NAPB: variants seen among roughly 807,000 people sequenced by gnomAD.
The protein encoded by NAPB is NSF attachment protein beta, also known as beta-soluble NSF attachment protein.
In NAPB, 26 loss-of-function variants were observed where a neutral mutation model predicts 44.7. That is an observed-to-expected ratio of 0.58 (90% confidence interval 0.43 to 0.81). The LOEUF is 0.81. Among genes scored for constraint, NAPB ranks in the 30% least tolerant of loss-of-function variants. The pLI, the probability that NAPB is intolerant of heterozygous loss-of-function variation, is 0.00. For synonymous variants in NAPB, 120 were observed against 116.8 expected (o/e 1.03, Z -0.18); for missense variants, 315 against 356.4 (o/e 0.88, Z 0.94).
At chr20:23,407,903 G>A (rs994545967) in intron 1 of NAPB, among the ~76,000 whole-genome samples, 1 of 152,164 alleles carries the variant, frequency 6.6e-6, no homozygotes, top group Admixed American at 6.5e-5. Flanking sequence ...GCAGAGCATT[G>A]TAAAACTATG....
rs73086773 is a variant in NAPB at position 23,403,275 on chromosome 20, C to T, written c.99-203G>A. Among the ~76,000 whole-genome samples, 5,483 of 152,170 alleles carry T rather than the reference C, an allele frequency of 0.036. 123 individuals are homozygous for T. Among genetic ancestry groups the T allele is most frequent in the Middle Eastern group, 0.061 (18 of 294 alleles). On this transcript the variant is annotated intron_variant, in intron 1 of 10. Transcript: ENST00000377026. ...GTGTTAAGTGGTAAAGTAACTAGCC[C>T]GAGGTGACACAGAAAGGATAGCTCA...
At chr20:23,377,549 A>G (rs1294310044) in intron 10 of NAPB, 63 bp from the exon 11 acceptor site, 2 of 1,032,860 alleles carry the variant, frequency 1.9e-6, no homozygotes, top group East Asian at 2.6e-5. Flanking sequence ...ACAAAATAAT[A>G]GTACCCCAAG....
chr20:23,394,241 C>T (rs1280191042), intron 5 of NAPB, among the ~76,000 whole-genome samples: 3 of 152,052 alleles, frequency 2.0e-5, no homozygotes, highest in Admixed American at 1.3e-4. Context: ...GCAGGGAGAC[C>T]GGTTTGAAGG....
chr20:23,375,475 A>T lies in NAPB; in HGVS notation c.*1901T>A, dbSNP rs1401738007. On this transcript the variant is annotated 3_prime_UTR_variant, in exon 11 of 11. Transcript: ENST00000377026. ...GAACCACTCCTCACACCCCATTTTC[A>T]CAAAAGTGCATTTGGCTGGTTGTAG... 1 of 151,760 alleles carries T rather than the reference A, an allele frequency of 6.6e-6. No individual in the cohort carries two copies. Among genetic ancestry groups the T allele is most frequent in the African/African-American group, 2.4e-5 (1 of 41,412 alleles). 9.4% of individuals were successfully genotyped at this position (151,760 alleles called of 1,614,324 possible).
intron 8 of NAPB, 39 bp downstream of exon 8, chr20:23,381,174 T>A: frequency 7.4e-7 from 1 of 1,357,560 alleles, no homozygotes; most frequent in Non-Finnish European, 1.1e-6. Flanking sequence ...CGTATTCTTA[T>A]GGGTGAAATC....
chr20:23,413,240 A>C (rs1224931415), intron 1 of NAPB, among the ~76,000 whole-genome samples: 1 of 152,162 alleles, frequency 6.6e-6, no homozygotes, highest in African/African-American at 2.4e-5. Flanking sequence ...AAAAAAAAAA[A>C]GTTTAAGTAA....
chr20:23,382,458 T>G (rs899054513), intron 7 of NAPB, among the ~76,000 whole-genome samples: 1 of 151,848 alleles, frequency 6.6e-6, no homozygotes, highest in Non-Finnish European at 1.5e-5. Flanking sequence ...AAAAGACCAT[T>G]AACAGATGAT....
intron 1 of NAPB, among the ~76,000 whole-genome samples, chr20:23,418,264 C>T (rs1986140686): frequency 6.6e-6 from 1 of 152,134 alleles, no homozygotes; most frequent in Non-Finnish European, 1.5e-5. Context: ...AGATGGATTA[C>T]TCTGCGTTTT....
chr20:23,411,025 T>G (rs978201656), intron 1 of NAPB, among the ~76,000 whole-genome samples: 1 of 152,024 alleles, frequency 6.6e-6, no homozygotes, highest in Non-Finnish European at 1.5e-5. Flanking sequence ...TAAGGAAAAC[T>G]ATGAAAACAG....
intron 5 of NAPB, among the ~76,000 whole-genome samples, chr20:23,391,521 A>C (rs1404799603): frequency 6.6e-6 from 1 of 152,148 alleles, no homozygotes; most frequent in African/African-American, 2.4e-5. Context: ...CTATACCCCA[A>C]ATAACAAGAG....
At chr20:23,392,822 CT>C (rs951289309) in intron 5 of NAPB, among the ~76,000 whole-genome samples, 10 of 147,886 alleles carry the variant, frequency 6.8e-5, no homozygotes, top group East Asian at 4.0e-4. Context: ...TGTACCTGGC[CT>C]TTTTTTTTTC....
At chr20:23,386,702 G>A (rs935749116) in intron 7 of NAPB, among the ~76,000 whole-genome samples, 3 of 152,158 alleles carry the variant, frequency 2.0e-5, no homozygotes, top group African/African-American at 7.2e-5. Flanking sequence ...ATTACTGTGG[G>A]GGGAAGTAAG....
Position 23,375,107 on chromosome 20 carries a change from ATTCT to A in NAPB, c.*2265_*2268del, listed in dbSNP as rs1380850766. 6.6e-6 allele frequency: 1 copy of A among 152,102 alleles called. No homozygotes were observed. The highest frequency in any genetic ancestry group is 1.5e-5 in the Non-Finnish European group (1 of 68,018). 9.4% of individuals were successfully genotyped at this position (152,102 alleles called of 1,614,324 possible). On this transcript the variant is annotated 3_prime_UTR_variant, in exon 11 of 11. Transcript: ENST00000377026. ...ACACCACTAACTGGGCTTTTCTCTC[ATTCT>A]TTTTTTTAATCTTCTGGCAGGTCTC...
At chr20:23,404,199 T>G (rs1322751391) in intron 1 of NAPB, among the ~76,000 whole-genome samples, 2 of 152,244 alleles carry the variant, frequency 1.3e-5, no homozygotes, top group African/African-American at 2.4e-5. Flanking sequence ...CGTTTATCTA[T>G]CTTGTCTATT....
rs756657288 is a variant in NAPB, at chr20:23,380,977, G to A, written c.666+236C>T. 1.9e-5 allele frequency: 8 copies of A among 430,792 alleles called. 1 individual carries two copies. Among genetic ancestry groups the A allele is most frequent in the South Asian group, 7.6e-5 (3 of 39,704 alleles). The allele number at this position is 430,792 out of a possible 1,614,324, so 26.7% of individuals were successfully genotyped here. A position where few individuals can be genotyped will look rare whatever the true frequency, so the allele number is the denominator to read the frequency against. ...CACTGCTTAGCTTCTGAGATCAGAC[G>A]AGATTGGGTGTGTTCAGGGTGGTAT... On this transcript the variant is annotated intron_variant, in intron 8 of 10. Coordinates refer to ENST00000377026, the MANE Select transcript of NAPB (RefSeq NM_022080.3).
chr20:23,400,151 C>T (rs768091997), intron 2 of NAPB, among the ~76,000 whole-genome samples: 1 of 152,194 alleles, frequency 6.6e-6, no homozygotes, highest in African/African-American at 2.4e-5. Flanking sequence ...CATTCCAAAA[C>T]GAGTTGCTGG....
intron 7 of NAPB, among the ~76,000 whole-genome samples, chr20:23,382,653 GA>G (rs1219065388): frequency 1.2e-3 from 169 of 141,230 alleles, no homozygotes; most frequent in Non-Finnish European, 1.9e-3. Flanking sequence ...TTTCAGAACT[GA>G]AAAAAAAAAA....
In NAPB at chr20:23,403,083, G is replaced by A. The variant is rs930654270; in HGVS notation, c.99-11C>T. 6.2e-7 allele frequency: 1 copy of A among 1,606,708 alleles called. No homozygotes were observed. The stretch of plus-strand genomic sequence containing the variant: ...ATTCTTGTGTTTCCTCTGAGAAAAA[G>A]TTAAAAATTAGATTTTTAACAACCA... On this transcript the variant is annotated splice_polypyrimidine_tract_variant and intron_variant, in intron 1 of 10. Coordinates refer to ENST00000377026, the MANE Select transcript of NAPB (RefSeq NM_022080.3).
At chr20:23,379,058 T>G (rs759726409) in intron 10 of NAPB, 36 of 159,174 alleles carry the variant, frequency 2.3e-4, no homozygotes, top group Non-Finnish European at 4.1e-4. Context: ...ACTCATGATC[T>G]GCCTGCCTCG....
Sources: allele counts gnomAD v4.1 joint callset (sites outside exome capture counted in the v4.1 genomes callset), GRCh38; gene constraint gnomAD v4.1.1; transcripts MANE v1.5; gene names NCBI Gene and HGNC (gene_info 2026-07-23, HGNC 2026-07-21).